The following ERICH1 variants were observed in gnomAD, a reference collection of about 807,000 sequenced individuals.
The protein encoded by ERICH1 is glutamate rich 1, also known as glutamate-rich protein 1.
ERICH1 carries 56 observed loss-of-function variants against 39.6 expected under a neutral mutation model. The ratio of observed to expected loss-of-function variants is 1.41; its 90% CI spans 1.14 to 1.77. The LOEUF (loss-of-function observed/expected upper bound fraction) is 1.77. Among genes scored for constraint, ERICH1 ranks in the 40% most tolerant of loss-of-function variants. ERICH1 has a pLI of 0.00. For missense variants in ERICH1, 826 were observed against 575.4 expected (o/e 1.44, Z -4.45); for synonymous variants, 313 against 223.6 (o/e 1.40, Z -3.57).
chr8:623,807 A>C (rs1475883335), intron 3 of ERICH1, among the ~76,000 whole-genome samples: 1 of 152,208 alleles, frequency 6.6e-6, no homozygotes, highest in Non-Finnish European at 1.5e-5. Flanking sequence ...TGTCTGAAGA[A>C]AACACAGGTA....
chr8:687,584 G>A (rs923784473), intron 3 of ERICH1, among the ~76,000 whole-genome samples: 1 of 152,178 alleles, frequency 6.6e-6, no homozygotes, highest in Non-Finnish European at 1.5e-5. Flanking sequence ...CAGCGGCGCA[G>A]GGAGCAGGAC....
At chr8:618,058 T>C (rs922147178) in intron 3 of ERICH1, among the ~76,000 whole-genome samples, 2 of 150,792 alleles carry the variant, frequency 1.3e-5, no homozygotes, top group African/African-American at 4.9e-5. Context: ...ATGCTCAGTC[T>C]GTCCTCACTG....
At chr8:704,091 G>A (rs1018404028) in intron 2 of ERICH1, among the ~76,000 whole-genome samples, 2 of 152,172 alleles carry the variant, frequency 1.3e-5, no homozygotes, top group Admixed American at 6.5e-5. Flanking sequence ...GACTTCCAGT[G>A]TGAAAGACAG....
intron 3 of ERICH1, chr8:615,482 G>A (rs1013075724): frequency 3.4e-5 from 16 of 469,696 alleles, no homozygotes; most frequent in African/African-American, 1.2e-4. Flanking sequence ...TCATCTCTAC[G>A]AGGCCTGGGT....
intron 3 of ERICH1, among the ~76,000 whole-genome samples, chr8:680,354 C>T (rs1340938333): frequency 6.8e-6 from 1 of 147,054 alleles, no homozygotes; most frequent in Non-Finnish European, 1.5e-5. Flanking sequence ...CCTGTGAACA[C>T]AGAAGATGCA....
At chr8:688,175 G>A (rs1807941124) in intron 3 of ERICH1, among the ~76,000 whole-genome samples, 1 of 151,642 alleles carries the variant, frequency 6.6e-6, no homozygotes, top group Non-Finnish European at 1.5e-5. Context: ...GCCGTGGCGA[G>A]CCGGGGCGCA....
chr8:709,167 C>G (rs1043453575), intron 2 of ERICH1, among the ~76,000 whole-genome samples: 2 of 152,116 alleles, frequency 1.3e-5, no homozygotes, highest in African/African-American at 4.8e-5. Context: ...CTATCTCTGC[C>G]CTTGTGACAC....
At chr8:642,188 G>A (rs141693111) in intron 3 of ERICH1, among the ~76,000 whole-genome samples, 2 of 152,256 alleles carry the variant, frequency 1.3e-5, no homozygotes, top group African/African-American at 2.4e-5. Flanking sequence ...CACTTAACGC[G>A]ACTGGCCCAG....
chr8:615,090 C>G (rs1218047109), exon 4 of ERICH1: 2 of 595,806 alleles, frequency 3.4e-6, no homozygotes, highest in Non-Finnish European at 5.9e-6. Flanking sequence ...TCTCAGCTCT[C>G]GTCAGCCTTG....
chr8:716,091 C>T, intron 1 of ERICH1, 84 bp from the exon 2 acceptor site: 3 of 1,462,416 alleles, frequency 2.1e-6, no homozygotes, highest in South Asian at 2.9e-5. Context: ...TTTTACTCTA[C>T]ACAAACACAC....
intron 3 of ERICH1, among the ~76,000 whole-genome samples, chr8:634,609 G>A (rs1798282440): frequency 6.6e-6 from 1 of 152,160 alleles, no homozygotes; most frequent in African/African-American, 2.4e-5. Context: ...GCGTGCAGTA[G>A]GTGCCCACTG....
At chr8:633,172 C>T (rs991288121) in intron 3 of ERICH1, among the ~76,000 whole-genome samples, 18 of 152,102 alleles carry the variant, frequency 1.2e-4, no homozygotes, top group African/African-American at 4.3e-4. Context: ...CGCGTGGGGC[C>T]GCCCAGGACA....
intron 3 of ERICH1, among the ~76,000 whole-genome samples, chr8:685,243 T>A (rs10086922): frequency 6.6e-6 from 1 of 151,992 alleles, no homozygotes; most frequent in South Asian, 2.1e-4. Flanking sequence ...CAGCGATATT[T>A]CTCTTACCCG....
At chr8:641,808 C>A (rs1799019924) in intron 3 of ERICH1, among the ~76,000 whole-genome samples, 1 of 152,154 alleles carries the variant, frequency 6.6e-6, no homozygotes, top group East Asian at 1.9e-4. Context: ...TTGGTTCCTG[C>A]CCAGACCTCA....
intron 2 of ERICH1, among the ~76,000 whole-genome samples, chr8:700,970 C>A (rs554893238): frequency 6.6e-6 from 1 of 152,246 alleles, no homozygotes; most frequent in Non-Finnish European, 1.5e-5. Flanking sequence ...GAAAAGCAGC[C>A]GAGAGGAAGT....
At chr8:656,293 G>C (rs561584829) in intron 3 of ERICH1, among the ~76,000 whole-genome samples, 1 of 152,136 alleles carries the variant, frequency 6.6e-6, no homozygotes, top group African/African-American at 2.4e-5. Flanking sequence ...CCTCCCCTTC[G>C]AAATCTGCAA....
intron 3 of ERICH1, among the ~76,000 whole-genome samples, chr8:617,213 A>G (rs567154025): frequency 2.6e-5 from 4 of 152,278 alleles, no homozygotes; most frequent in African/African-American, 9.6e-5. Context: ...TGACGCCTTC[A>G]TGAAGGGCTT....
intron 4 of ERICH1, 46 bp downstream of exon 4, chr8:673,241 CTT>C (rs770275617): frequency 6.5e-7 from 1 of 1,528,186 alleles, no homozygotes; most frequent in Admixed American, 2.1e-5. Context: ...TTTTAATAAA[CTT>C]TTAAGTGGAT....
intron 3 of ERICH1, among the ~76,000 whole-genome samples, chr8:642,336 CTTTTTTTTTTTTTT>C (rs33990765): frequency 1.3e-4 from 8 of 60,468 alleles, no homozygotes; most frequent in African/African-American, 5.0e-4. Context: ...ATGGTCTGGA[CTTTTTTTTTTTTTT>C]TTTTTTTTTT....
Sources: gnomAD v4.1 joint callset for allele counts (sites outside exome capture counted in the v4.1 genomes callset) on GRCh38, gnomAD v4.1.1 for gene constraint, MANE v1.5 for transcripts, NCBI Gene and HGNC (gene_info 2026-07-23, HGNC 2026-07-21) for gene names.